The following CABIN1 variants were observed in gnomAD, a reference collection of about 807,000 sequenced individuals.
CABIN1 encodes calcineurin binding protein 1, also known as calcineurin-binding protein cabin-1.
Under a neutral mutation model 227.7 loss-of-function variants are expected in CABIN1, and 133 were observed. The ratio of observed to expected loss-of-function variants is 0.58; its 90% CI spans 0.51 to 0.67. CABIN1 has a LOEUF of 0.67. Among genes scored for constraint, CABIN1 ranks in the 30% least tolerant of loss-of-function variants. The pLI is 0.00. For synonymous variants in CABIN1, 1,086 were observed against 1,155.1 expected, an observed-to-expected ratio of 0.94 and a Z score of 1.21; for missense variants, 2,408 against 2,852.5, an observed-to-expected ratio of 0.84 and a Z score of 3.55.
At chr22:24,062,167 C>T (rs2039240220) in intron 13 of CABIN1, 142 bp downstream of exon 13, 2 of 716,718 alleles carry the variant, frequency 2.8e-6, no homozygotes, top group Non-Finnish European at 5.0e-6. Flanking sequence ...TGTCAGGGTC[C>T]CAGGGAAATC....
At chr22:24,119,993 C>G (rs1441318181) in intron 28 of CABIN1, among the ~76,000 whole-genome samples, 4 of 152,178 alleles carry the variant, frequency 2.6e-5, no homozygotes, top group Non-Finnish European at 5.9e-5. Context: ...CTCAACTACT[C>G]TTTCCTGTGA....
intron 28 of CABIN1, among the ~76,000 whole-genome samples, chr22:24,124,591 T>C (rs2043605681): frequency 6.6e-6 from 1 of 152,256 alleles, no homozygotes. Flanking sequence ...TATCACTTAC[T>C]CTCTGGATCA....
At chr22:24,053,338 A>G (rs767432551) in intron 8 of CABIN1, among the ~76,000 whole-genome samples, 1 of 150,566 alleles carries the variant, frequency 6.6e-6, no homozygotes. Flanking sequence ...GGCCTCCCAA[A>G]GTACTGGGAT....
chr22:24,015,379 C>T (rs973890805), intron 1 of CABIN1, among the ~76,000 whole-genome samples: 1 of 143,394 alleles, frequency 7.0e-6, no homozygotes, highest in African/African-American at 2.6e-5. Flanking sequence ...GAGTCTCGCT[C>T]TTTTGCCCAG....
chr22:24,060,699 C>G (rs1251435867), intron 12 of CABIN1, among the ~76,000 whole-genome samples: 1 of 151,982 alleles, frequency 6.6e-6, no homozygotes, highest in Non-Finnish European at 1.5e-5. Context: ...GCAGCTTCAA[C>G]CTCCTGGGCT....
chr22:24,164,493 G>T lies in CABIN1; in HGVS notation c.4840G>T (p.Ala1614Ser). The change falls in exon 30 of 37, where the codon GCC becomes TCC. Residue 1614 changes from alanine to serine, a missense_variant. Physicochemically the swap from Ala to Ser is moderately conservative, Grantham distance 99. Coordinates refer to ENST00000263119, the MANE Select transcript of CABIN1 (RefSeq NM_012295.4). ...CATCGTGCTGCTGCTCAAGGTGCTG[G>T]CCCAGCTGCGGGACCACAGCACCCT... ...RSIVLLLKVL[A>S]QLRDHSTLLK... 6.2e-7 allele frequency: 1 copy of T among 1,606,254 alleles called. No individual in the cohort carries two copies. The highest frequency in any genetic ancestry group is 1.1e-5 in the South Asian group (1 of 91,088).
In CABIN1 at chr22:24,049,424, C is replaced by T. The variant is rs2038152280; in HGVS notation, c.656+204C>T. Among the ~76,000 whole-genome samples the T allele has an allele frequency of 2.0e-5, 3 of 152,308 alleles. No homozygotes were observed. In the East Asian group the frequency reaches 5.8e-4, roughly 29 times the overall value. ...CACCTCTACCTAATCTTGGCAAGGCCTCCTCAGGCTGCCTGCTGCCCGCCT... is the reference window on the plus strand; with the variant it reads ...CACCTCTACCTAATCTTGGCAAGGCTTCCTCAGGCTGCCTGCTGCCCGCCT... On this transcript the variant is annotated intron_variant, in intron 7 of 36. Coordinates refer to ENST00000263119, the MANE Select transcript of CABIN1 (RefSeq NM_012295.4).
At chr22:24,176,047 C>A in intron 34 of CABIN1, 64 bp from the exon 35 acceptor site, 1 of 1,549,644 alleles carries the variant, frequency 6.5e-7, no homozygotes, top group Non-Finnish European at 8.8e-7. Flanking sequence ...GGACCTGACA[C>A]AGATGCGTTG....
At chr22:24,088,929 T>G (rs2041356716) in intron 23 of CABIN1, among the ~76,000 whole-genome samples, 2 of 152,218 alleles carry the variant, frequency 1.3e-5, no homozygotes, top group African/African-American at 4.8e-5. Context: ...CCCTATTTTA[T>G]TGTAACTGTT....
At chr22:24,087,927 T>C (rs374460564) in intron 23 of CABIN1, among the ~76,000 whole-genome samples, 5 of 151,954 alleles carry the variant, frequency 3.3e-5, no homozygotes, top group Admixed American at 2.0e-4. Context: ...GTAGACAAAT[T>C]AGGGACAGGC....
intron 14 of CABIN1, 75 bp from the exon 15 acceptor site, chr22:24,063,959 TA>T (rs1318816581): frequency 5.1e-6 from 8 of 1,569,556 alleles, no homozygotes; most frequent in Non-Finnish European, 5.3e-6. Context: ...TCTAGTGAGA[TA>T]AGTGGTGTAA....
intron 19 of CABIN1, among the ~76,000 whole-genome samples, chr22:24,080,326 C>T (rs996388704): frequency 1.3e-5 from 2 of 152,176 alleles, no homozygotes; most frequent in African/African-American, 4.8e-5. Flanking sequence ...TTAACCTACT[C>T]ACGTACCTCT....
intron 1 of CABIN1, among the ~76,000 whole-genome samples, chr22:24,024,805 T>G (rs2035968026): frequency 6.6e-6 from 1 of 152,222 alleles, no homozygotes; most frequent in Non-Finnish European, 1.5e-5. Flanking sequence ...TTTTTGAATT[T>G]TCAGTTGTAT....
chr22:24,095,633 G>A (rs2041844571), intron 24 of CABIN1, among the ~76,000 whole-genome samples: 1 of 152,198 alleles, frequency 6.6e-6, no homozygotes, highest in South Asian at 2.1e-4. Context: ...GGGAGGCAGT[G>A]CCCAGTGAAC....
chr22:24,163,303 C>A lies in CABIN1; in HGVS notation c.4747-1097C>A, dbSNP rs1367496837. On this transcript the variant is annotated intron_variant, in intron 29 of 36. Transcript: ENST00000263119. ...CAGCTCAGGGCTGGAGGTGCCCTGG[C>A]TTTCCTCCCAGGGCTGCTAGAGCAG... Among the ~76,000 whole-genome samples, 4 of 152,258 alleles carry A rather than the reference C, an allele frequency of 2.6e-5. No homozygotes were observed. The South Asian group carries it at 8.3e-4, about 32-fold the overall frequency.
At chr22:24,081,282 GCTCT>G (rs1187007106) in intron 19 of CABIN1, among the ~76,000 whole-genome samples, 1 of 152,014 alleles carries the variant, frequency 6.6e-6, no homozygotes, top group Non-Finnish European at 1.5e-5. Context: ...GTGGTCTAGA[GCTCT>G]CTCTCTCTTT....
At chr22:24,027,221 G>A (rs1281368510) in intron 1 of CABIN1, among the ~76,000 whole-genome samples, 1 of 151,968 alleles carries the variant, frequency 6.6e-6, no homozygotes, top group Non-Finnish European at 1.5e-5. Flanking sequence ...GTGTTGACCT[G>A]TACCCTATGA....
At chr22:24,040,649 G>A (rs758981509) in intron 4 of CABIN1, among the ~76,000 whole-genome samples, 2 of 152,298 alleles carry the variant, frequency 1.3e-5, no homozygotes, top group South Asian at 4.2e-4. Flanking sequence ...AGACACTAAC[G>A]TTTTAGTTAA....
chr22:24,144,794 G>A (rs1006492034), intron 29 of CABIN1, among the ~76,000 whole-genome samples: 9 of 152,212 alleles, frequency 5.9e-5, no homozygotes, highest in African/African-American at 2.4e-5. Context: ...GCTGTGCTCC[G>A]TGTTGCTGTG....
Sources: gnomAD v4.1 joint callset for allele counts (sites outside exome capture counted in the v4.1 genomes callset) on GRCh38, gnomAD v4.1.1 for gene constraint, MANE v1.5 for transcripts, NCBI Gene and HGNC (gene_info 2026-07-23, HGNC 2026-07-21) for gene names.